NPHP3: variants seen among roughly 807,000 people sequenced by gnomAD.
NPHP3 encodes nephrocystin 3, also known as nephrocystin-3.
A neutral mutation model predicts 171.9 loss-of-function variants in NPHP3; 123 were observed. The observed-to-expected ratio is 0.72, with a 90% CI of 0.62 to 0.83. NPHP3 has a LOEUF of 0.83. Among genes scored for constraint, NPHP3 ranks in the 40% least tolerant of loss-of-function variants. NPHP3 has a pLI of 0.00. For synonymous variants in NPHP3, 558 were observed against 579.2 expected (o/e 0.96, Z 0.52); for missense variants, 1,506 against 1,591.9 (o/e 0.95, Z 0.92).
rs1267547229 is a variant in NPHP3, at chr3:132,696,213, AATAG to A, written c.2171+514_2171+517del. ...GTAGTAAAACATTCTAACGGTTGAG[AATAG>A]ATAGAATAGGGTAAAGCTATACTGA... is the stretch of plus-strand genomic sequence containing the variant. On this transcript the variant is annotated intron_variant, in intron 15 of 26. Transcript: ENST00000337331. Among the ~76,000 whole-genome samples the A allele has an allele frequency of 4.6e-5, 7 of 152,256 alleles. No homozygotes were observed. The South Asian group carries it at 1.5e-3, about 32-fold the overall frequency.
chr3:132,721,940 G>C (rs202181341), intron 1 of NPHP3, 23 bp downstream of exon 1: 19 of 1,610,470 alleles, frequency 1.2e-5, no homozygotes, highest in Non-Finnish European at 1.4e-5. Context: ...GTCTCCCGGC[G>C]TCGCGGCCCA....
Position 132,681,473 on chromosome 3 carries a change from G to A in NPHP3, c.*437C>T, listed in dbSNP as rs539230132. The A allele has an allele frequency of 4.5e-4, 88 of 195,206 alleles. No homozygotes were observed. In the Middle Eastern group the frequency reaches 7.8e-3, roughly 17 times the overall value. 12.1% of individuals were successfully genotyped at this position (195,206 alleles called of 1,614,324 possible). On this transcript the variant is annotated 3_prime_UTR_variant, in exon 27 of 27. Coordinates refer to ENST00000337331, the MANE Select transcript of NPHP3 (RefSeq NM_153240.5). Reference sequence around the variant, plus strand: ...AGTAGAGACAGGGTTTCACCATGTTGGCCAGGCTGGTCTCCAACTCCTGGC... The same window carrying A: ...AGTAGAGACAGGGTTTCACCATGTTAGCCAGGCTGGTCTCCAACTCCTGGC...
chr3:132,717,056 CT>C (rs1940073556), intron 3 of NPHP3, 147 bp from the exon 4 acceptor site: 5 of 858,214 alleles, frequency 5.8e-6, no homozygotes, highest in Non-Finnish European at 9.0e-6. Flanking sequence ...TTGCCATCGA[CT>C]TTTGGCAAAG....
At chr3:132,714,143 G>A (rs1433367915) in intron 5 of NPHP3, among the ~76,000 whole-genome samples, 1 of 152,244 alleles carries the variant, frequency 6.6e-6, no homozygotes, top group Admixed American at 6.5e-5. Context: ...TGCCATGGAT[G>A]ATACGTAAAC....
At chr3:132,693,666 G>A (rs1423777996) in intron 16 of NPHP3, 2 of 152,378 alleles carry the variant, frequency 1.3e-5, no homozygotes, top group Admixed American at 6.6e-5. Context: ...GAGGCCAGGA[G>A]ATCGAGACCA....
At chr3:132,712,426 T>C (rs1939935464) in intron 6 of NPHP3, 2 of 456,886 alleles carry the variant, frequency 4.4e-6, no homozygotes, top group South Asian at 1.5e-5. Context: ...ATGGTTTCTG[T>C]TGTAAAGATT....
intron 4 of NPHP3, 80 bp from the exon 5 acceptor site, chr3:132,715,298 C>T: frequency 8.5e-7 from 1 of 1,173,100 alleles, no homozygotes; most frequent in East Asian, 2.4e-5. Flanking sequence ...AAAAACATAA[C>T]AGGCATCATA....
intron 15 of NPHP3, among the ~76,000 whole-genome samples, chr3:132,696,344 G>C (rs1451005048): frequency 6.6e-6 from 1 of 152,110 alleles, no homozygotes. Context: ...ATCAGGACTT[G>C]AGAACAGAGA....
intron 8 of NPHP3, among the ~76,000 whole-genome samples, chr3:132,705,304 C>A (rs2107987000): frequency 6.6e-6 from 1 of 152,260 alleles, no homozygotes; most frequent in East Asian, 1.9e-4. Flanking sequence ...CTCAAGGCCC[C>A]TCCCTGGTCC....
Position 132,704,222 on chromosome 3 carries a change from T to C in NPHP3, c.1500A>G (p.Ser500=). ...QMETFQQASN[S]AHELGFEKYY... ...CTTTCTCAAATCCCAACTCATGGGC[T>C]GAATTAGAAGCCTGCTGAAAAGTTT... Residue 500 remains serine, a synonymous_variant, in exon 9 of 27, where the codon TCA becomes TCG. Coordinates refer to ENST00000337331, the MANE Select transcript of NPHP3 (RefSeq NM_153240.5). 3 of 1,614,224 alleles carry C rather than the reference T, an allele frequency of 1.9e-6. No individual in the cohort carries two copies. The highest frequency in any genetic ancestry group is 2.5e-6 in the Non-Finnish European group (3 of 1,180,036).
At chr3:132,694,380 T>TGTATAC (rs1553772761) in intron 16 of NPHP3, among the ~76,000 whole-genome samples, 3 of 144,432 alleles carry the variant, frequency 2.1e-5, no homozygotes, top group African/African-American at 7.8e-5. Flanking sequence ...TGTGTGTGTT[T>TGTATAC]ACACACACAC....
chr3:132,712,408 T>C (rs1939935010), intron 6 of NPHP3: 1 of 456,750 alleles, frequency 2.2e-6, no homozygotes, highest in Admixed American at 2.4e-5. Flanking sequence ...TCAGGTTTTG[T>C]AGGACACATG....
intron 8 of NPHP3, 142 bp downstream of exon 8, chr3:132,705,598 G>A: frequency 1.7e-6 from 1 of 589,470 alleles, no homozygotes; most frequent in Non-Finnish European, 3.1e-6. Flanking sequence ...ACCACAGGAT[G>A]GACTCCCAAC....
In NPHP3 at chr3:132,684,723, C is replaced by G. The variant is rs762890381; in HGVS notation, c.3401G>C (p.Cys1134Ser). 8.7e-6 allele frequency: 14 copies of G among 1,614,026 alleles called. No homozygotes were observed. The South Asian group carries it at 1.3e-4, about 15-fold the overall frequency. The change falls in exon 24 of 27, where the codon TGT becomes TCT. Residue 1134 changes from cysteine (C) to serine (S), a missense_variant. Physicochemically the swap from Cys to Ser is moderately radical, Grantham distance 112. Coordinates refer to ENST00000337331, the MANE Select transcript of NPHP3 (RefSeq NM_153240.5). ...TGCCAGATTATTCAAAGACTGAGCA[C>G]AGTCAGGGTGATCTGGTCCTAGAAC... ...ERVLGPDHPD[C>S]AQSLNNLAAL...
Position 132,696,801 on chromosome 3 carries a change from C to A in NPHP3, c.2101G>T (p.Glu701Ter). Residue 701 changes from glutamate (E) to a stop codon, truncating the protein, a stop_gained, in exon 15 of 27, where the codon GAA (glutamate) becomes TAA (stop). Coordinates refer to ENST00000337331, the MANE Select transcript of NPHP3 (RefSeq NM_153240.5). LOFTEE classifies it high-confidence loss of function. ...KLSKEQEKKL[E>*]RHCRSATTCN... Reference sequence around the variant, plus strand: ...GTTGTAGCAGAACGACAGTGTCGTTCTAGCTTCTTCTCCTGCACCAGTTTA... The same window carrying A: ...GTTGTAGCAGAACGACAGTGTCGTTATAGCTTCTTCTCCTGCACCAGTTTA... The A allele has an allele frequency of 6.2e-7, 1 of 1,613,806 alleles. No individual in the cohort carries two copies. Among genetic ancestry groups the A allele is most frequent in the South Asian group, 1.1e-5 (1 of 91,068 alleles).
intron 6 of NPHP3, among the ~76,000 whole-genome samples, chr3:132,711,567 T>C (rs1206018118): frequency 1.3e-5 from 2 of 152,074 alleles, no homozygotes; most frequent in African/African-American, 4.8e-5. Context: ...GTAAGGTTTT[T>C]GTTTGTTTGT....
chr3:132,704,121 T>C, intron 9 of NPHP3, 77 bp downstream of exon 9: 2 of 1,368,092 alleles, frequency 1.5e-6, no homozygotes, highest in East Asian at 2.3e-5. Flanking sequence ...CTTAACTATA[T>C]TTAGATGAAA....
At chr3:132,682,642 T>C in intron 26 of NPHP3, 61 bp downstream of exon 26, 1 of 1,011,364 alleles carries the variant, frequency 9.9e-7, no homozygotes, top group Non-Finnish European at 1.6e-6. Context: ...TTTGTGCTAT[T>C]CTAAGACAAA....
chr3:132,699,277 T>A (rs907307291), intron 13 of NPHP3, 76 bp downstream of exon 13: 2 of 988,250 alleles, frequency 2.0e-6, no homozygotes, highest in South Asian at 2.7e-5. Context: ...AAACCATAAA[T>A]GCATATTAAA....
Sources: gnomAD v4.1 joint callset for allele counts (sites outside exome capture counted in the v4.1 genomes callset) on GRCh38, gnomAD v4.1.1 for gene constraint, MANE v1.5 for transcripts, NCBI Gene and HGNC (gene_info 2026-07-23, HGNC 2026-07-21) for gene names.